TMCC1: variants seen among roughly 807,000 people sequenced by gnomAD.
TMCC1 encodes the protein transmembrane and coiled-coil domain family 1.
A neutral mutation model predicts 52.4 loss-of-function variants in TMCC1; 15 were observed. The observed-to-expected ratio is 0.29, with a 90% CI of 0.19 to 0.44. The LOEUF (loss-of-function observed/expected upper bound fraction) is 0.44. Ranked by LOEUF, TMCC1 falls within the 20% of genes least tolerant of loss-of-function variation. The pLI, the probability that TMCC1 is intolerant of heterozygous loss-of-function variation, is 1.00. For synonymous variants in TMCC1, 279 were observed against 301.9 expected (o/e 0.92, Z 0.79); for missense variants, 503 against 806.0 (o/e 0.62, Z 4.55).
In TMCC1 at chr3:129,670,938, G is replaced by C; in HGVS notation, c.903C>G (p.His301Gln). 2 of 1,614,208 alleles carry C rather than the reference G, an allele frequency of 1.2e-6. No homozygotes were observed. The highest frequency in any genetic ancestry group is 1.7e-6 in the Non-Finnish European group (2 of 1,180,046). ...CTACCTCTCTGAGCTTCCTGTGGTA[G>C]TGCTCAAGTTTCTTTTGCAGCTGGA... ...TILQLQKKLE[H>Q]YHRKLREVEQ... Residue 301 changes from histidine (H) to glutamine (Q), a missense_variant, in exon 5 of 7, where the codon CAC becomes CAG. His to Gln is a conservative substitution (Grantham distance 24, BLOSUM62 0). Around this residue, in one of 7 missense-constraint regions of TMCC1, gnomAD observed 73 missense variants for 182.9 expected, o/e 0.40. Transcript: ENST00000393238.
At chr3:129,737,008 T>G (rs1192396183) in intron 4 of TMCC1, among the ~76,000 whole-genome samples, 2 of 152,164 alleles carry the variant, frequency 1.3e-5, no homozygotes, top group African/African-American at 4.8e-5. Flanking sequence ...CCACTTAAAG[T>G]AAATTACATA....
intron 2 of TMCC1, among the ~76,000 whole-genome samples, chr3:129,876,134 C>CA (rs374132880): frequency 5.3e-3 from 407 of 77,252 alleles, no homozygotes; most frequent in South Asian, 0.01. Context: ...GATTTCATCT[C>CA]AAAAAAAAAA....
intron 4 of TMCC1, among the ~76,000 whole-genome samples, chr3:129,782,414 C>A (rs1325158038): frequency 6.6e-6 from 1 of 151,994 alleles, no homozygotes; most frequent in Non-Finnish European, 1.5e-5. Context: ...AGGGAAAGAT[C>A]AAGATGTAAA....
At chr3:129,704,603 G>C (rs1037977147) in intron 4 of TMCC1, among the ~76,000 whole-genome samples, 2 of 152,090 alleles carry the variant, frequency 1.3e-5, no homozygotes, top group African/African-American at 4.8e-5. Context: ...ATTTTTAGTA[G>C]AGATGGGGTT....
intron 5 of TMCC1, 96 bp downstream of exon 5, chr3:129,670,234 A>G: frequency 2.2e-6 from 3 of 1,338,990 alleles, no homozygotes; most frequent in Admixed American, 2.2e-5. Context: ...TGGACACTCT[A>G]GAGAAAGATA....
intron 4 of TMCC1, among the ~76,000 whole-genome samples, chr3:129,805,239 T>C (rs1456099906): frequency 6.6e-6 from 1 of 152,162 alleles, no homozygotes; most frequent in Non-Finnish European, 1.5e-5. Flanking sequence ...CTCAGTTCTC[T>C]GCAGCCTCAA....
chr3:129,696,813 G>T (rs2047447417), intron 4 of TMCC1, among the ~76,000 whole-genome samples: 1 of 152,194 alleles, frequency 6.6e-6, no homozygotes, highest in Non-Finnish European at 1.5e-5. Flanking sequence ...AAATCCAGCA[G>T]GGCAGTCAAA....
At chr3:129,726,422 C>A (rs1389521108) in intron 4 of TMCC1, among the ~76,000 whole-genome samples, 2 of 152,164 alleles carry the variant, frequency 1.3e-5, no homozygotes, top group Non-Finnish European at 2.9e-5. Context: ...ACATCCTCTA[C>A]AATACGGTCT....
At chr3:129,738,132 G>A (rs747647864) in intron 4 of TMCC1, among the ~76,000 whole-genome samples, 3 of 151,884 alleles carry the variant, frequency 2.0e-5, no homozygotes, top group South Asian at 2.1e-4. Flanking sequence ...TTAGCCAAGC[G>A]TGGTGGTGGG....
intron 4 of TMCC1, among the ~76,000 whole-genome samples, chr3:129,709,737 C>T (rs1029826121): frequency 6.6e-6 from 1 of 151,974 alleles, no homozygotes; most frequent in Non-Finnish European, 1.5e-5. Flanking sequence ...GGGCTTCAGG[C>T]TCTTTATCCT....
intron 4 of TMCC1, among the ~76,000 whole-genome samples, chr3:129,810,895 AACT>A (rs1311153302): frequency 4.6e-5 from 7 of 152,252 alleles, no homozygotes; most frequent in African/African-American, 1.7e-4. Context: ...GAACATCTAC[AACT>A]GTTGAAACAA....
intron 4 of TMCC1, among the ~76,000 whole-genome samples, chr3:129,690,784 C>T: frequency 6.6e-6 from 1 of 152,124 alleles, no homozygotes; most frequent in East Asian, 1.9e-4. Context: ...CTAAAGCAGA[C>T]TTTGTGTCTG....
In TMCC1 at chr3:129,849,751, G is replaced by A. The variant is rs1353468898; in HGVS notation, c.-183-16925C>T. Among the ~76,000 whole-genome samples, 10 of 151,730 alleles carry A rather than the reference G, an allele frequency of 6.6e-5. No individual in the cohort carries two copies. In the East Asian group the frequency reaches 1.2e-3, roughly 18 times the overall value. ...ACCGCACTACAGCTTGGGCAACAGAGCGAGACTCCATCTCAAAAAAAAATA... is the reference window on the plus strand; with the variant it reads ...ACCGCACTACAGCTTGGGCAACAGAACGAGACTCCATCTCAAAAAAAAATA... On this transcript the variant is annotated intron_variant, in intron 2 of 6. Transcript: ENST00000393238.
At chr3:129,745,685 G>A (rs778282335) in intron 4 of TMCC1, among the ~76,000 whole-genome samples, 24 of 152,168 alleles carry the variant, frequency 1.6e-4, no homozygotes, top group Admixed American at 5.9e-4. Context: ...ATGGGACCAG[G>A]CATGGTGGCT....
At chr3:129,761,801 G>A (rs192972999) in intron 4 of TMCC1, among the ~76,000 whole-genome samples, 48 of 152,004 alleles carry the variant, frequency 3.2e-4, no homozygotes, top group East Asian at 1.9e-3. Flanking sequence ...GAGCAGCCTC[G>A]CCAACGTGGT....
intron 2 of TMCC1, among the ~76,000 whole-genome samples, chr3:129,854,685 T>C (rs1368976860): frequency 6.6e-6 from 1 of 152,178 alleles, no homozygotes; most frequent in African/African-American, 2.4e-5. Context: ...CCATCTCCCA[T>C]CTATCCTTTC....
chr3:129,672,861 G>T (rs929089901), intron 4 of TMCC1, among the ~76,000 whole-genome samples: 5 of 151,942 alleles, frequency 3.3e-5, no homozygotes, highest in African/African-American at 1.2e-4. Flanking sequence ...TTAACCTAGG[G>T]ATAACATCTT....
At chr3:129,694,739 T>G (rs929904032) in intron 4 of TMCC1, among the ~76,000 whole-genome samples, 19 of 152,194 alleles carry the variant, frequency 1.2e-4, no homozygotes, top group African/African-American at 2.4e-4. Flanking sequence ...ATGAATAATC[T>G]ACCCCTTGTT....
At chr3:129,872,446 C>T (rs1268409652) in intron 2 of TMCC1, among the ~76,000 whole-genome samples, 1 of 152,216 alleles carries the variant, frequency 6.6e-6, no homozygotes, top group Non-Finnish European at 1.5e-5. Context: ...GTATATCCCA[C>T]AAATATGCAA....
Sources: gnomAD v4.1 joint callset for allele counts (sites outside exome capture counted in the v4.1 genomes callset) on GRCh38, gnomAD v4.1.1 for gene constraint, gnomAD v4.1.1 regional missense constraint, MANE v1.5 for transcripts, NCBI Gene and HGNC (gene_info 2026-07-23, HGNC 2026-07-21) for gene names.